Variants in CNTNAP2 observed in about 807,000 individuals in gnomAD.
CNTNAP2 encodes the protein contactin-associated protein-like 2.
CNTNAP2 carries 98 observed loss-of-function variants against 155.2 expected under a neutral mutation model. That is an observed-to-expected ratio of 0.63 (90% CI 0.54 to 0.75). CNTNAP2 has a LOEUF of 0.75. Among genes scored for constraint, CNTNAP2 ranks in the 30% least tolerant of loss-of-function variants. The pLI, the probability that CNTNAP2 is intolerant of heterozygous loss-of-function variation, is 0.00. For synonymous variants in CNTNAP2, 651 were observed against 631.2 expected, an observed-to-expected ratio of 1.03 and a Z score of -0.47; for missense variants, 1,727 against 1,688.1, an observed-to-expected ratio of 1.02 and a Z score of -0.40.
At chr7:147,722,562 C>A (rs1307201394) in intron 13 of CNTNAP2, among the ~76,000 whole-genome samples, 9 of 152,038 alleles carry the variant, frequency 5.9e-5, no homozygotes, top group African/African-American at 2.2e-4. Context: ...CTGTGATTAT[C>A]CATTTTGTGT....
chr7:146,707,556 G>A (rs1800987744), intron 1 of CNTNAP2, among the ~76,000 whole-genome samples: 1 of 151,876 alleles, frequency 6.6e-6, no homozygotes, highest in East Asian at 1.9e-4. Context: ...GATTCTCCAG[G>A]CCTGGGCTGC....
chr7:147,183,152 G>GAA (rs71525991), intron 8 of CNTNAP2, among the ~76,000 whole-genome samples: 115 of 139,198 alleles, frequency 8.3e-4, no homozygotes, highest in African/African-American at 2.3e-3. Context: ...CCAATGGTTA[G>GAA]AAAAAAAAAA....
chr7:146,869,846 G>A, intron 3 of CNTNAP2, among the ~76,000 whole-genome samples: 1 of 152,118 alleles, frequency 6.6e-6, no homozygotes, highest in Non-Finnish European at 1.5e-5. Context: ...CACCCACAAT[G>A]TGGGTACGTC....
intron 3 of CNTNAP2, among the ~76,000 whole-genome samples, chr7:147,042,838 A>G (rs1490729344): frequency 6.6e-6 from 1 of 152,138 alleles, no homozygotes; most frequent in Non-Finnish European, 1.5e-5. Context: ...CAAGTTATCT[A>G]TTATAGGGAC....
intron 1 of CNTNAP2, among the ~76,000 whole-genome samples, chr7:146,406,414 T>G (rs183629119): frequency 2.6e-5 from 4 of 152,342 alleles, no homozygotes; most frequent in African/African-American, 9.6e-5. Flanking sequence ...CAGACATGGT[T>G]GAGGATTTTT....
chr7:147,191,521 A>G (rs1444931691), intron 8 of CNTNAP2, among the ~76,000 whole-genome samples: 1 of 152,098 alleles, frequency 6.6e-6, no homozygotes, highest in African/African-American at 2.4e-5. Context: ...ATGTGGTATG[A>G]GCCACAATTT....
intron 3 of CNTNAP2, among the ~76,000 whole-genome samples, chr7:147,025,757 C>T (rs1584790441): frequency 6.6e-6 from 1 of 151,722 alleles, no homozygotes; most frequent in Non-Finnish European, 1.5e-5. Flanking sequence ...AAGTTCCTAT[C>T]TCTCTCATTC....
chr7:146,283,313 T>C (rs1288147628), intron 1 of CNTNAP2, among the ~76,000 whole-genome samples: 1 of 152,226 alleles, frequency 6.6e-6, no homozygotes, highest in Non-Finnish European at 1.5e-5. Context: ...TCTATTTAAT[T>C]CAACATTTAT....
At chr7:146,859,689 CTG>C (rs1428304109) in intron 3 of CNTNAP2, among the ~76,000 whole-genome samples, 1 of 151,928 alleles carries the variant, frequency 6.6e-6, no homozygotes, top group African/African-American at 2.4e-5. Context: ...AATCCTAACT[CTG>C]AGTCTGAGAC....
In CNTNAP2 at chr7:147,661,155, C is replaced by T. The variant is rs190062117; in HGVS notation, c.2098+21849C>T. 7.2e-5 allele frequency among the ~76,000 whole-genome samples: 11 copies of T among 152,196 alleles called. No individual in the cohort carries two copies. In the East Asian group the frequency reaches 1.4e-3, roughly 19 times the overall value. ...TTCCAGTCATGTAGTAGATATAATC[C>T]TCCAGTTAACCCAGCCCCTAACTTC... is the stretch of plus-strand genomic sequence containing the variant. On this transcript the variant is annotated intron_variant, in intron 13 of 23. Coordinates refer to ENST00000361727, the MANE Select transcript of CNTNAP2 (RefSeq NM_014141.6).
At chr7:147,394,390 T>A (rs1316929215) in intron 9 of CNTNAP2, among the ~76,000 whole-genome samples, 1 of 151,996 alleles carries the variant, frequency 6.6e-6, no homozygotes, top group Admixed American at 6.6e-5. Context: ...TTATTGAAAA[T>A]TCACTTTTAT....
chr7:148,171,507 T>C (rs750099831), intron 17 of CNTNAP2, among the ~76,000 whole-genome samples: 1 of 152,242 alleles, frequency 6.6e-6, no homozygotes, highest in Admixed American at 6.5e-5. Flanking sequence ...GTGAAATTTC[T>C]TGGGAATATT....
At chr7:146,970,327 T>TGACAA (rs1402165983) in intron 3 of CNTNAP2, among the ~76,000 whole-genome samples, 2 of 151,642 alleles carry the variant, frequency 1.3e-5, no homozygotes, top group East Asian at 3.9e-4. Flanking sequence ...AAAGGGCTAC[T>TGACAA]ATCCAGAATC....
intron 4 of CNTNAP2, among the ~76,000 whole-genome samples, chr7:147,098,108 G>A (rs558494554): frequency 6.6e-5 from 10 of 152,122 alleles, no homozygotes; most frequent in Non-Finnish European, 1.5e-4. Flanking sequence ...ACATCAGCTC[G>A]TTTGAGGCTG....
intron 1 of CNTNAP2, among the ~76,000 whole-genome samples, chr7:146,513,810 T>C (rs1016967987): frequency 6.6e-6 from 1 of 152,028 alleles, no homozygotes; most frequent in Non-Finnish European, 1.5e-5. Context: ...TTTAACTGCA[T>C]ATTAGTGTCT....
intron 11 of CNTNAP2, among the ~76,000 whole-genome samples, chr7:147,498,439 C>T (rs929615585): frequency 1.3e-4 from 20 of 152,220 alleles, no homozygotes; most frequent in African/African-American, 4.8e-4. Flanking sequence ...GTGATTGCCA[C>T]AGTTCCACTG....
intron 3 of CNTNAP2, among the ~76,000 whole-genome samples, chr7:146,873,851 A>G (rs1017475688): frequency 3.3e-5 from 5 of 152,096 alleles, no homozygotes; most frequent in African/African-American, 9.7e-5. Flanking sequence ...TTGAGTGACT[A>G]TTATGTGGAG....
chr7:147,200,423 GC>G (rs1283507159), intron 8 of CNTNAP2, among the ~76,000 whole-genome samples: 1 of 152,092 alleles, frequency 6.6e-6, no homozygotes, highest in Non-Finnish European at 1.5e-5. Context: ...GATTCCCTGA[GC>G]CCTAATTCAG....
chr7:147,634,317 T>C (rs1428151437), intron 12 of CNTNAP2, among the ~76,000 whole-genome samples: 1 of 152,080 alleles, frequency 6.6e-6, no homozygotes, highest in Non-Finnish European at 1.5e-5. Context: ...CTGGATGGAG[T>C]TGGAGACTAT....
Sources: allele counts gnomAD v4.1 joint callset (sites outside exome capture counted in the v4.1 genomes callset), GRCh38; gene constraint gnomAD v4.1.1; transcripts MANE v1.5; gene names NCBI Gene and HGNC (gene_info 2026-07-23, HGNC 2026-07-21).